Variants in GPC6 observed in about 807,000 individuals in gnomAD.
GPC6 encodes the protein glypican 6.
Under a neutral mutation model 55.2 loss-of-function variants are expected in GPC6, and 14 were observed. That is an observed-to-expected ratio of 0.25 (90% CI 0.17 to 0.40). The LOEUF is 0.40. GPC6 is among the 10% of genes least tolerant of loss of function. GPC6 has a pLI of 1.00. For missense variants in GPC6, 641 were observed against 708.5 expected (o/e 0.90, Z 1.08); for synonymous variants, 278 against 259.6 (o/e 1.07, Z -0.68).
chr13:93,676,121 AAAAAAATATATATATATATAT>A (rs1171374158), intron 2 of GPC6, among the ~76,000 whole-genome samples: 33 of 11,996 alleles, frequency 2.8e-3, no homozygotes, highest in Non-Finnish European at 6.5e-3. Flanking sequence ...AAAAAAAAAA[AAAAAAATATATATATATATAT>A]ATATATATAT....
intron 1 of GPC6, among the ~76,000 whole-genome samples, chr13:93,284,859 A>G (rs1878059564): frequency 6.6e-6 from 1 of 152,222 alleles, no homozygotes; most frequent in Admixed American, 6.5e-5. Flanking sequence ...CCAGGGAAGT[A>G]GAGGATAATG....
intron 1 of GPC6, among the ~76,000 whole-genome samples, chr13:93,518,354 T>G (rs2590534): frequency 0.94 from 142,890 of 151,558 alleles, 67,926 homozygotes; most frequent in East Asian, 1. Flanking sequence ...CAGATGGGCC[T>G]TAATCTAGTT....
chr13:93,847,112 G>T (rs1555336390), intron 3 of GPC6, among the ~76,000 whole-genome samples: 1 of 152,014 alleles, frequency 6.6e-6, no homozygotes, highest in Non-Finnish European at 1.5e-5. Context: ...TTTATTGAGG[G>T]ATTTGTTCTT....
chr13:94,346,297 T>C (rs1458106087), intron 6 of GPC6, among the ~76,000 whole-genome samples: 1 of 152,134 alleles, frequency 6.6e-6, no homozygotes, highest in East Asian at 1.9e-4. Context: ...CTGTTGAGGA[T>C]GGGGGGAGTG....
intron 2 of GPC6, among the ~76,000 whole-genome samples, chr13:93,592,819 A>T (rs1341651356): frequency 6.6e-6 from 1 of 152,132 alleles, no homozygotes; most frequent in African/African-American, 2.4e-5. Flanking sequence ...TTGAAGTCAA[A>T]TATTGTTCCA....
intron 6 of GPC6, among the ~76,000 whole-genome samples, chr13:94,312,805 A>G (rs1876323466): frequency 6.6e-6 from 1 of 152,178 alleles, no homozygotes; most frequent in Admixed American, 6.5e-5. Context: ...TAACAACAGT[A>G]AGCTAGATTC....
chr13:93,695,812 T>C (rs1024360517), intron 2 of GPC6, among the ~76,000 whole-genome samples: 2 of 152,102 alleles, frequency 1.3e-5, no homozygotes, highest in East Asian at 1.9e-4. Flanking sequence ...CTGATATTAA[T>C]TGGTACTTTA....
chr13:93,530,998 C>T (rs545816582), intron 1 of GPC6, among the ~76,000 whole-genome samples: 3 of 152,008 alleles, frequency 2.0e-5, no homozygotes, highest in South Asian at 2.1e-4. Context: ...ATACTGACTC[C>T]GTTTATAATA....
intron 2 of GPC6, among the ~76,000 whole-genome samples, chr13:93,748,773 T>C (rs1884483910): frequency 6.6e-6 from 1 of 152,134 alleles, no homozygotes; most frequent in South Asian, 2.1e-4. Flanking sequence ...GTGAATTTTC[T>C]AAGTCTTTGA....
At chr13:94,337,614 A>C (rs528288485) in intron 6 of GPC6, among the ~76,000 whole-genome samples, 2 of 151,772 alleles carry the variant, frequency 1.3e-5, no homozygotes, top group African/African-American at 4.8e-5. Context: ...CATCTGGCTA[A>C]TTTTTGTATT....
chr13:94,402,436 T>G (rs890127756), intron 8 of GPC6, among the ~76,000 whole-genome samples: 1 of 152,122 alleles, frequency 6.6e-6, no homozygotes, highest in Non-Finnish European at 1.5e-5. Context: ...CAGTTGATAT[T>G]GTTCTTCAAA....
chr13:94,391,713 G>T (rs1239912219), intron 7 of GPC6, among the ~76,000 whole-genome samples: 1 of 152,130 alleles, frequency 6.6e-6, no homozygotes, highest in Non-Finnish European at 1.5e-5. Context: ...GCAGTCACGT[G>T]GTTGTGCAAC....
At chr13:94,076,785 C>A (rs1471856778) in intron 4 of GPC6, among the ~76,000 whole-genome samples, 1 of 151,678 alleles carries the variant, frequency 6.6e-6, no homozygotes, top group Non-Finnish European at 1.5e-5. Context: ...ATAAGTTAAT[C>A]ATATACATGT....
chr13:93,515,829 C>T (rs1594229051), intron 1 of GPC6, among the ~76,000 whole-genome samples: 1 of 151,948 alleles, frequency 6.6e-6, no homozygotes, highest in Non-Finnish European at 1.5e-5. Flanking sequence ...ATTAAGGATC[C>T]ACAAATGAAG....
intron 1 of GPC6, among the ~76,000 whole-genome samples, chr13:93,389,605 A>G (rs1875540233): frequency 1.3e-5 from 2 of 152,012 alleles, no homozygotes; most frequent in East Asian, 1.9e-4. Context: ...GAATGTATGT[A>G]TATATGTATA....
intron 1 of GPC6, among the ~76,000 whole-genome samples, chr13:93,310,862 T>G (rs1879041890): frequency 6.6e-6 from 1 of 152,234 alleles, no homozygotes; most frequent in Admixed American, 6.5e-5. Context: ...TCTTCTCATC[T>G]TCCTCGCCTA....
intron 3 of GPC6, among the ~76,000 whole-genome samples, chr13:93,962,711 G>T (rs1160230125): frequency 6.6e-6 from 1 of 152,130 alleles, no homozygotes; most frequent in Non-Finnish European, 1.5e-5. Context: ...TACAGATGCT[G>T]TTTCTGTCAC....
At chr13:93,996,384 C>T (rs1881555432) in intron 3 of GPC6, among the ~76,000 whole-genome samples, 1 of 152,186 alleles carries the variant, frequency 6.6e-6, no homozygotes, top group African/African-American at 2.4e-5. Flanking sequence ...CTTTATGTCA[C>T]ACACTGTCTT....
intron 4 of GPC6, among the ~76,000 whole-genome samples, chr13:94,193,822 C>T (rs1457985584): frequency 6.6e-6 from 1 of 152,222 alleles, no homozygotes; most frequent in Non-Finnish European, 1.5e-5. Flanking sequence ...CTTTTGTCCA[C>T]AGTTGAACAG....
Sources: allele counts gnomAD v4.1 joint callset (sites outside exome capture counted in the v4.1 genomes callset), GRCh38; gene constraint gnomAD v4.1.1; transcripts MANE v1.5; gene names NCBI Gene and HGNC (gene_info 2026-07-23, HGNC 2026-07-21).